Variants in SEMA4C observed in about 807,000 individuals in gnomAD.
SEMA4C encodes the protein semaphorin 4C.
SEMA4C carries 19 observed loss-of-function variants against 89.0 expected under a neutral mutation model. That is an observed-to-expected ratio of 0.21 (90% CI 0.15 to 0.31). SEMA4C has a LOEUF of 0.31. Among genes scored for constraint, SEMA4C ranks in the 10% least tolerant of loss-of-function variants. The pLI, the probability that SEMA4C is intolerant of heterozygous loss-of-function variation, is 1.00. For synonymous variants in SEMA4C, 428 were observed against 472.7 expected (o/e 0.91, Z 1.23); for missense variants, 811 against 1,107.0 (o/e 0.73, Z 3.79).
In SEMA4C at chr2:96,864,370, G is replaced by A. The variant is rs2080020747; in HGVS notation, c.975C>T (p.Tyr325=). 6.2e-7 allele frequency: 1 copy of A among 1,613,556 alleles called. No individual in the cohort carries two copies. The highest frequency in any genetic ancestry group is 8.5e-7 in the Non-Finnish European group (1 of 1,180,010). ...ACTGGTACTCACAGATGGCCGACAG[G>A]TACATGTCACCCCTGTCACAGCGAG... ...GVFQAQWGDM[Y]LSAICEYQLE... Residue 325 remains tyrosine (Y), a synonymous_variant, in exon 10 of 15, where the codon TAC becomes TAT. Transcript: ENST00000305476. The surrounding 1 kb of genome is among the most constrained non-coding windows in gnomAD (Gnocchi z 6.3).
chr2:96,865,456 C>T lies in SEMA4C; in HGVS notation c.502G>A (p.Ala168Thr), dbSNP rs1235699678. 4.3e-6 allele frequency: 7 copies of T among 1,613,846 alleles called. No homozygotes were observed. In the South Asian group the frequency reaches 4.4e-5, roughly 10 times the overall value. Residue 168 changes from alanine to threonine, a missense_variant, in exon 6 of 15, where the codon GCT becomes ACT. Physicochemically the swap from Ala to Thr is moderately conservative, Grantham distance 58. This residue lies in a region of SEMA4C where 441 missense variants were observed against 664.9 expected (regional missense o/e 0.66). Transcript: ENST00000305476. ...AGCCACTCACCCACAAGAAGGCCAG[C>T]ATGGCCCTTAGCTGGGTCATAGGGA... Reference protein sequence around the residue: ...KCPYDPAKGHAGLLVDGELYS... With the variant: ...KCPYDPAKGHTGLLVDGELYS...
In SEMA4C at chr2:96,860,849, G is replaced by A. The variant is rs535886702; in HGVS notation, c.2279C>T (p.Ser760Leu). ...ARCQPGGGPP[S>L]PPPGIPGQPL... ...CTGGCCTGGGATGCCTGGAGGTGGCGAAGGGGGCCCCCCACCGGGCTGGCA... is the reference window on the plus strand; with the variant it reads ...CTGGCCTGGGATGCCTGGAGGTGGCAAAGGGGGCCCCCCACCGGGCTGGCA... The change falls in exon 15 of 15, where the codon TCG (serine) becomes TTG (leucine). Residue 760 changes from serine to leucine, a missense_variant. Ser to Leu is a moderately radical substitution (Grantham distance 145). Transcript: ENST00000305476. 60 of 1,613,142 alleles carry A rather than the reference G, an allele frequency of 3.7e-5. 1 individual carries two copies. The highest frequency in any genetic ancestry group is 2.3e-4 in the South Asian group (21 of 91,088).
Position 96,865,327 on chromosome 2 carries a change from G to T in SEMA4C, c.518-7C>A, listed in dbSNP as rs751267181. 2 of 1,614,074 alleles carry T rather than the reference G, an allele frequency of 1.2e-6. No individual in the cohort carries two copies. Among genetic ancestry groups the T allele is most frequent in the Non-Finnish European group, 1.7e-6 (2 of 1,179,946 alleles). On this transcript the variant is annotated splice_region_variant and splice_polypyrimidine_tract_variant and intron_variant, in intron 6 of 14. Coordinates refer to ENST00000305476, the MANE Select transcript of SEMA4C (RefSeq NM_017789.5). ...GCCGAGTACAGCTCACCATCTATGG[G>T]AGACAGAGGTCAGCTAGGCCACACA...
At chr2:96,868,107 C>T (rs1327017768) in intron 1 of SEMA4C, among the ~76,000 whole-genome samples, 184 bp from the exon 2 acceptor site, 5 of 152,232 alleles carry the variant, frequency 3.3e-5, no homozygotes, top group Non-Finnish European at 7.3e-5. Flanking sequence ...GACCACAGGT[C>T]TCCCTGGGAA....
chr2:96,870,216 C>T, upstream of SEMA4C: 1 of 985,204 alleles, frequency 1.0e-6, no homozygotes, highest in South Asian at 4.7e-5. Flanking sequence ...GCCCGCTCTC[C>T]GCCCGGGGGC....
At chr2:96,870,265 C>T (rs961790599), upstream of SEMA4C, 47 of 985,386 alleles carry the variant, frequency 4.8e-5, no homozygotes, top group Non-Finnish European at 5.3e-5. Context: ...ACCTCAACCC[C>T]TCCGGGTGTC....
At position 96,861,686 on chromosome 2, in the gene SEMA4C, C is replaced by T. The variant is rs771851847; in HGVS notation, c.1602-37G>A. The T allele has an allele frequency of 1.3e-6, 2 of 1,598,230 alleles. No homozygotes were observed. The highest frequency in any genetic ancestry group is 1.7e-5 in the Admixed American group (1 of 59,104). On this transcript the variant is annotated intron_variant, in intron 13 of 14. Transcript: ENST00000305476. This position sits in a 1 kb window ranked among gnomAD's most constrained non-coding sequence, Gnocchi z 7.8. ...TGTAGGGTACATCAGCAGCCTGGCT[C>T]CAACCACCCTGAGTCCCTGGAGGTC...
rs1384213588 is a variant in SEMA4C, at chr2:96,860,023, C to T, written c.*603G>A. The T allele has an allele frequency of 1.5e-5, 2 of 136,794 alleles. No homozygotes were observed. Among genetic ancestry groups the T allele is most frequent in the Non-Finnish European group, 3.2e-5 (2 of 63,130 alleles). The allele number at this position is 136,794 out of a possible 1,614,324, so 8.5% of individuals were successfully genotyped here. Reference sequence around the variant, plus strand: ...CAAACACACAGGAGGCTCCATCTCCCTCCCCCCACCCTGAAAACATTCACA... The same window carrying T: ...CAAACACACAGGAGGCTCCATCTCCTTCCCCCCACCCTGAAAACATTCACA... On this transcript the variant is annotated 3_prime_UTR_variant, in exon 15 of 15. Coordinates refer to ENST00000305476, the MANE Select transcript of SEMA4C (RefSeq NM_017789.5).
upstream of SEMA4C, chr2:96,870,368 TCA>T (rs1419427338): frequency 2.1e-6 from 2 of 939,838 alleles, no homozygotes; most frequent in Non-Finnish European, 2.5e-6. Flanking sequence ...CACGGGGGAA[TCA>T]CACTCACCCG....
intron 1 of SEMA4C, 30 bp from the exon 2 acceptor site, chr2:96,867,953 C>G: frequency 6.2e-7 from 1 of 1,610,726 alleles, no homozygotes; most frequent in Non-Finnish European, 8.5e-7. Flanking sequence ...GGTCAGAAAT[C>G]ACAGCCAGAG....
rs1298455373 is a variant in SEMA4C at position 96,861,116 on chromosome 2, GCCA to G, written c.2009_2011del (p.Val670del). 20 of 1,611,268 alleles carry G rather than the reference GCCA, an allele frequency of 1.2e-5. No homozygotes were observed. The highest frequency in any genetic ancestry group is 1.7e-5 in the Non-Finnish European group (20 of 1,179,706). On this transcript the variant is annotated inframe_deletion, in exon 15 of 15. Coordinates refer to ENST00000305476, the MANE Select transcript of SEMA4C (RefSeq NM_017789.5). The surrounding 1 kb of genome is among the most constrained non-coding windows in gnomAD (Gnocchi z 7.8). The stretch of plus-strand genomic sequence containing the variant: ...CAGCACCAGGCACACAGCCCCCAGG[GCCA>G]CCACCGCCAGCCACACCAGCCCCAG...
chr2:96,863,380 A>G (rs2079996368), intron 12 of SEMA4C: 2 of 1,156,078 alleles, frequency 1.7e-6, no homozygotes. Flanking sequence ...CCAGAGCCAG[A>G]ACCACAGCAC....
chr2:96,868,509 A>G, intron 1 of SEMA4C: 2 of 987,818 alleles, frequency 2.0e-6, no homozygotes, highest in South Asian at 9.3e-5. Context: ...ACCCCGTTCC[A>G]CATCAGCAGG....
chr2:96,863,629 G>C (rs1334583575), intron 12 of SEMA4C, 53 bp downstream of exon 12: 2 of 1,523,132 alleles, frequency 1.3e-6, no homozygotes, highest in Non-Finnish European at 1.8e-6. Flanking sequence ...CAGATGGAGA[G>C]AGTGAGATGG....
chr2:96,868,028 C>T, intron 1 of SEMA4C, 105 bp from the exon 2 acceptor site: 1 of 1,427,592 alleles, frequency 7.0e-7, no homozygotes. Flanking sequence ...CTTCCAGGAG[C>T]CCCGGTGCCC....
At chr2:96,869,352 C>A in intron 1 of SEMA4C, 1 of 985,154 alleles carries the variant, frequency 1.0e-6, no homozygotes, top group Non-Finnish European at 1.2e-6. Context: ...CCACCCCGAG[C>A]GGCCAGCCGT....
rs374830549 is a variant in SEMA4C at position 96,861,697 on chromosome 2, G to C, written c.1601+40C>G. 2 of 1,604,288 alleles carry C rather than the reference G, an allele frequency of 1.2e-6. No homozygotes were observed. Among genetic ancestry groups the C allele is most frequent in the Non-Finnish European group, 1.7e-6 (2 of 1,173,354 alleles). Reference sequence around the variant, plus strand: ...TCAGCAGCCTGGCTCCAACCACCCTGAGTCCCTGGAGGTCCTGGCCTATGT... The same window carrying C: ...TCAGCAGCCTGGCTCCAACCACCCTCAGTCCCTGGAGGTCCTGGCCTATGT... On this transcript the variant is annotated intron_variant, in intron 13 of 14. Coordinates refer to ENST00000305476, the MANE Select transcript of SEMA4C (RefSeq NM_017789.5). This position sits in a 1 kb window ranked among gnomAD's most constrained non-coding sequence, Gnocchi z 7.8.
At chr2:96,868,977 G>A in intron 1 of SEMA4C, 3 of 985,358 alleles carry the variant, frequency 3.0e-6, no homozygotes, top group Non-Finnish European at 3.6e-6. Flanking sequence ...CAAACAAAGG[G>A]TCCCCGCCAA....
chr2:96,867,641 A>T, intron 2 of SEMA4C, 137 bp downstream of exon 2: 1 of 934,214 alleles, frequency 1.1e-6, no homozygotes, highest in East Asian at 2.5e-5. Context: ...CCCAGGTCCC[A>T]ACCCACACTG....
Sources: gnomAD v4.1 joint callset for allele counts (sites outside exome capture counted in the v4.1 genomes callset) on GRCh38, gnomAD v4.1.1 for gene constraint, gnomAD v4.1.1 regional missense constraint, Gnocchi (gnomAD v3.1) non-coding constraint, MANE v1.5 for transcripts, NCBI Gene and HGNC (gene_info 2026-07-23, HGNC 2026-07-21) for gene names.